ENTPD3: variants seen among roughly 807,000 people sequenced by gnomAD.
The protein encoded by ENTPD3 is CD39 antigen-like 3.
In ENTPD3, 60 loss-of-function variants were observed where a neutral mutation model predicts 51.2. The observed-to-expected ratio is 1.17, with a 90% CI of 0.95 to 1.45. ENTPD3 has a LOEUF of 1.45. Ranked by LOEUF, ENTPD3 falls within the 40% of genes most tolerant of loss-of-function variation. The pLI is 0.00. For synonymous variants in ENTPD3, 221 were observed against 238.4 expected (o/e 0.93, Z 0.67); for missense variants, 593 against 641.1 (o/e 0.93, Z 0.81).
intron 4 of ENTPD3, 115 bp from the exon 5 acceptor site, chr3:40,411,697 C>A: frequency 9.4e-7 from 1 of 1,063,908 alleles, no homozygotes; most frequent in Non-Finnish European, 1.3e-6. Flanking sequence ...CAGCTGTTTT[C>A]GACCCCCTAC....
intron 3 of ENTPD3, among the ~76,000 whole-genome samples, chr3:40,398,700 T>C (rs748137567): frequency 6.6e-6 from 1 of 152,210 alleles, no homozygotes; most frequent in Non-Finnish European, 1.5e-5. Context: ...GGAGAGGCTA[T>C]GATTCAGGAG....
At chr3:40,389,412 C>T (rs929225867) in intron 2 of ENTPD3, among the ~76,000 whole-genome samples, 2 of 152,180 alleles carry the variant, frequency 1.3e-5, no homozygotes, top group Non-Finnish European at 2.9e-5. Context: ...AGTTGGCTCT[C>T]CTTTCCATTG....
Position 40,411,902 on chromosome 3 carries a change from C to G in ENTPD3, c.377C>G (p.Ser126Cys). 1 of 1,612,768 alleles carries G rather than the reference C, an allele frequency of 6.2e-7. No individual in the cohort carries two copies. Among genetic ancestry groups the G allele is most frequent in the East Asian group, 2.2e-5 (1 of 44,826 alleles). The change falls in exon 5 of 11, where the codon TCC (serine) becomes TGC (cysteine). Residue 126 changes from serine (S) to cysteine (C), a missense_variant. Ser to Cys is a moderately radical substitution (Grantham distance 112). Coordinates refer to ENST00000301825, the MANE Select transcript of ENTPD3 (RefSeq NM_001248.4). ...CAAAAAGTCAAGGGGCAGGTTCCAT[C>G]CCACCTCCACGGATCCACCCCCATT... is the stretch of plus-strand genomic sequence containing the variant. ...CMQKVKGQVP[S>C]HLHGSTPIHL...
chr3:40,423,183 T>G (rs1955915925), intron 8 of ENTPD3, 61 bp downstream of exon 8: 3 of 1,579,346 alleles, frequency 1.9e-6, no homozygotes, highest in Non-Finnish European at 2.6e-6. Flanking sequence ...CTCACTTTTC[T>G]GTTTCTCCTC....
intron 10 of ENTPD3, 94 bp downstream of exon 10, chr3:40,424,057 T>G: frequency 6.4e-7 from 1 of 1,573,648 alleles, no homozygotes; most frequent in Non-Finnish European, 8.6e-7. Flanking sequence ...AGGGTATTAA[T>G]GAGTTAAACT....
intron 3 of ENTPD3, among the ~76,000 whole-genome samples, chr3:40,400,483 C>T (rs960711560): frequency 1.3e-5 from 2 of 152,026 alleles, no homozygotes; most frequent in African/African-American, 4.8e-5. Context: ...TCAGGCAACT[C>T]AATTGTATGC....
chr3:40,396,114 C>T (rs12492777), intron 3 of ENTPD3, among the ~76,000 whole-genome samples: 11 of 152,260 alleles, frequency 7.2e-5, no homozygotes, highest in Admixed American at 6.5e-4. Context: ...ACCCTAGCCA[C>T]CATTGCAAGG....
intron 4 of ENTPD3, among the ~76,000 whole-genome samples, chr3:40,403,068 T>G (rs1176412573): frequency 2.0e-5 from 3 of 152,142 alleles, no homozygotes; most frequent in Admixed American, 6.5e-5. Flanking sequence ...CAGCCTCCTT[T>G]GTTTCCCTCC....
chr3:40,387,879 C>A, intron 1 of ENTPD3, 167 bp from the exon 2 acceptor site: 1 of 569,192 alleles, frequency 1.8e-6, no homozygotes, highest in Non-Finnish European at 3.2e-6. Flanking sequence ...ATTTAAGCTC[C>A]AGCTTTGGGG....
chr3:40,401,884 C>G (rs914474478), intron 4 of ENTPD3, among the ~76,000 whole-genome samples: 4 of 152,144 alleles, frequency 2.6e-5, no homozygotes, highest in African/African-American at 9.7e-5. Flanking sequence ...CATGCAGCTC[C>G]CTGTCTTTTC....
chr3:40,398,859 T>G (rs79959964), intron 3 of ENTPD3, among the ~76,000 whole-genome samples: 1 of 152,168 alleles, frequency 6.6e-6, no homozygotes, highest in African/African-American at 2.4e-5. Flanking sequence ...AATGAATGTA[T>G]GAAAATGGTG....
chr3:40,413,415 T>A (rs911339299), intron 5 of ENTPD3, among the ~76,000 whole-genome samples: 4 of 152,186 alleles, frequency 2.6e-5, no homozygotes, highest in African/African-American at 9.6e-5. Context: ...TCAATTCCAT[T>A]AAATGTCTGT....
At chr3:40,391,898 C>A in intron 2 of ENTPD3, 125 bp from the exon 3 acceptor site, 1 of 1,095,146 alleles carries the variant, frequency 9.1e-7, no homozygotes, top group Non-Finnish European at 1.4e-6. Context: ...AAGTGTGGGT[C>A]TCGCTAACAC....
intron 2 of ENTPD3, chr3:40,391,720 G>A (rs1955060014): frequency 2.7e-6 from 1 of 374,314 alleles, no homozygotes; most frequent in Non-Finnish European, 4.7e-6. Context: ...TAAAACAAAT[G>A]TTATTGTAAT....
intron 8 of ENTPD3, 50 bp from the exon 9 acceptor site, chr3:40,423,241 A>G: frequency 1.3e-6 from 2 of 1,570,408 alleles, no homozygotes; most frequent in African/African-American, 1.4e-5. Context: ...AAACCTTTCT[A>G]TTATACCCCA....
chr3:40,423,659 G>C (rs1037882889), intron 9 of ENTPD3, 167 bp from the exon 10 acceptor site: 9 of 370,540 alleles, frequency 2.4e-5, no homozygotes, highest in Admixed American at 6.4e-5. Context: ...ATATTATATA[G>C]GGATATTTTC....
At chr3:40,422,819 C>G (rs544397143) in intron 7 of ENTPD3, 31 bp from the exon 8 acceptor site, 4 of 1,577,324 alleles carry the variant, frequency 2.5e-6, no homozygotes, top group African/African-American at 1.4e-5. Context: ...AATAAACATA[C>G]GTGTCTAACA....
chr3:40,394,790 G>C (rs1000674079), intron 3 of ENTPD3, among the ~76,000 whole-genome samples: 3 of 152,208 alleles, frequency 2.0e-5, no homozygotes, highest in African/African-American at 7.2e-5. Context: ...AAGGTTTGTT[G>C]AATTGAAGGA....
At position 40,414,687 on chromosome 3, in the gene ENTPD3, A is replaced by G. The variant is rs775919662; in HGVS notation, c.444A>G (p.Gln148=). The change falls in exon 6 of 11, where the codon CAA becomes CAG. Residue 148 remains glutamine (Q), a synonymous_variant. Coordinates refer to ENST00000301825, the MANE Select transcript of ENTPD3 (RefSeq NM_001248.4). ...TGTTCTGTGCCTTGTACAGGTTGCA[A>G]AATGAAACAGCAGCTAATGAAGTCC... ...ATAGMRLLRL[Q]NETAANEVLE... is the part of the protein sequence containing the mutation. The G allele has an allele frequency of 2.5e-6, 4 of 1,613,968 alleles. No homozygotes were observed. The highest frequency in any genetic ancestry group is 2.2e-5 in the East Asian group (1 of 44,886).
Sources: allele counts gnomAD v4.1 joint callset (sites outside exome capture counted in the v4.1 genomes callset), GRCh38; gene constraint gnomAD v4.1.1; transcripts MANE v1.5; gene names NCBI Gene and HGNC (gene_info 2026-07-23, HGNC 2026-07-21).